TMEM63A: variants seen among roughly 807,000 people sequenced by gnomAD.
The protein encoded by TMEM63A is transmembrane protein 63A, also known as mechanosensitive cation channel TMEM63A.
TMEM63A carries 76 observed loss-of-function variants against 100.6 expected under a neutral mutation model. That is an observed-to-expected ratio of 0.76 (90% confidence interval 0.63 to 0.91). The LOEUF is 0.91. Among genes scored for constraint, TMEM63A ranks in the 40% least tolerant of loss-of-function variants. The pLI, the probability that TMEM63A is intolerant of heterozygous loss-of-function variation, is 0.00. For missense variants in TMEM63A, 876 were observed against 1,008.8 expected, an observed-to-expected ratio of 0.87 and a Z score of 1.78; for synonymous variants, 401 against 401.1, an observed-to-expected ratio of 1.00 and a Z score of 0.00.
At chr1:225,847,488 C>T (rs1198876408) in intron 23 of TMEM63A, 1 of 357,316 alleles carries the variant, frequency 2.8e-6, no homozygotes, top group Non-Finnish European at 5.1e-6. Flanking sequence ...ACTTCCTAGC[C>T]CTGGATCCTA....
chr1:225,842,908 G>A (rs1480646879), downstream of TMEM63A, among the ~76,000 whole-genome samples: 3 of 152,198 alleles, frequency 2.0e-5, no homozygotes, highest in African/African-American at 7.2e-5. Context: ...AGCCTTAGAG[G>A]CTGTATCCTC....
intron 23 of TMEM63A, 179 bp downstream of exon 23, chr1:225,848,313 G>T: frequency 1.6e-6 from 1 of 629,224 alleles, no homozygotes; most frequent in Middle Eastern, 4.3e-4. Context: ...TTTCAAATAT[G>T]CAGGTTAAAA....
chr1:225,862,555 G>C lies in TMEM63A; in HGVS notation c.851C>G (p.Thr284Ser). ...CTTCACCTGCAGGTTTGTGTAATAGGTCAGGCTCTTCTCAGTCTTCTTTCT... is the reference window on the plus strand; with the variant it reads ...CTTCACCTGCAGGTTTGTGTAATAGCTCAGGCTCTTCTCAGTCTTCTTTCT... ...KEKKKTEKSL[T>S]YYTNLQVKTG... is the part of the protein sequence containing the mutation. The change falls in exon 12 of 25, where the codon ACC becomes AGC. Residue 284 changes from threonine to serine, a missense_variant. Physicochemically the swap from Thr to Ser is moderately conservative, Grantham distance 58. Transcript: ENST00000366835. The surrounding 1 kb of genome is among the most constrained non-coding windows in gnomAD (Gnocchi z 5.1). 6.2e-7 allele frequency: 1 copy of C among 1,613,942 alleles called. No individual in the cohort carries two copies. Among genetic ancestry groups the C allele is most frequent in the Non-Finnish European group, 8.5e-7 (1 of 1,179,992 alleles).
chr1:225,858,318 G>GTTT (rs67373815), intron 15 of TMEM63A, among the ~76,000 whole-genome samples: 36 of 70,126 alleles, frequency 5.1e-4, no homozygotes, highest in Non-Finnish European at 1.0e-3. Flanking sequence ...AGAATAGTTT[G>GTTT]TTTTTTTTTT....
At chr1:225,856,789 C>T (rs1205030161) in intron 16 of TMEM63A, 51 bp from the exon 17 acceptor site, 22 of 1,591,936 alleles carry the variant, frequency 1.4e-5, no homozygotes, top group Non-Finnish European at 1.8e-5. Context: ...GCTCTATGTG[C>T]CCCCAGTGAG....
Position 225,847,138 on chromosome 1 carries a change from TCTG to T in TMEM63A, c.2323_2325del (p.Gln775del), listed in dbSNP as rs750876984. 106 of 1,586,836 alleles carry T rather than the reference TCTG, an allele frequency of 6.7e-5. No individual in the cohort carries two copies. Among genetic ancestry groups the T allele is most frequent in the Admixed American group, 1.7e-4 (10 of 58,872 alleles). On this transcript the variant is annotated inframe_deletion, in exon 24 of 25. Transcript: ENST00000366835. ...CTGATGTTGTGGATGGCACCATAGG[TCTG>T]CTGCTGCTGCTGCTGCGGAGACAGT...
At chr1:225,850,832 C>T (rs1169313227) in intron 20 of TMEM63A, among the ~76,000 whole-genome samples, 1 of 152,138 alleles carries the variant, frequency 6.6e-6, no homozygotes, top group African/African-American at 2.4e-5. Context: ...CTGCCTCAGC[C>T]TCTCAAGTAG....
At chr1:225,868,101 A>G in intron 6 of TMEM63A, 71 bp from the exon 7 acceptor site, 2 of 1,579,128 alleles carry the variant, frequency 1.3e-6, no homozygotes, top group East Asian at 2.2e-5. Flanking sequence ...AGTGTCTCAT[A>G]TCATCCTCAC....
chr1:225,852,602 G>T, intron 20 of TMEM63A, 62 bp downstream of exon 20: 1 of 1,534,310 alleles, frequency 6.5e-7, no homozygotes, highest in Non-Finnish European at 9.0e-7. Context: ...TCCCCGAGAG[G>T]TTTGGTGCAA....
rs1048259810 is a variant in TMEM63A, at chr1:225,853,809, C to T, written c.1635-18G>A. 1 of 1,577,656 alleles carries T rather than the reference C, an allele frequency of 6.3e-7. No homozygotes were observed. The highest frequency in any genetic ancestry group is 1.3e-5 in the African/African-American group (1 of 74,150). On this transcript the variant is annotated intron_variant, in intron 18 of 24. Coordinates refer to ENST00000366835, the MANE Select transcript of TMEM63A (RefSeq NM_014698.3). This position sits in a 1 kb window ranked among gnomAD's most constrained non-coding sequence, Gnocchi z 4.0. ...AGACGCACCTGGGGAAACCAGGGCC[C>T]AGGTCTGTGAGCTGAGAGCCGCTCT... is the stretch of plus-strand genomic sequence containing the variant.
At chr1:225,845,456 A>C, downstream of TMEM63A, 1 of 1,175,688 alleles carries the variant, frequency 8.5e-7, no homozygotes, top group Non-Finnish European at 1.2e-6. Flanking sequence ...TCCCCTGCCC[A>C]TGCTGGGAGC....
chr1:225,845,495 T>C, downstream of TMEM63A: 1 of 757,236 alleles, frequency 1.3e-6, no homozygotes, highest in Non-Finnish European at 2.2e-6. Context: ...CCCTCCAAGC[T>C]CACTCCCCAA....
downstream of TMEM63A, chr1:225,845,405 TG>T (rs1176572522): frequency 6.6e-7 from 1 of 1,510,116 alleles, no homozygotes; most frequent in Non-Finnish European, 8.9e-7. Flanking sequence ...AGGCTTTTCT[TG>T]GGGAAGATAC....
intron 3 of TMEM63A, among the ~76,000 whole-genome samples, chr1:225,875,209 G>A (rs552297522): frequency 1.3e-5 from 2 of 152,144 alleles, no homozygotes; most frequent in African/African-American, 4.8e-5. Context: ...ACCTGTGCTC[G>A]GGCTGGCTTG....
At chr1:225,845,426 G>A (rs1576056070), downstream of TMEM63A, 2 of 1,462,920 alleles carry the variant, frequency 1.4e-6, no homozygotes, top group East Asian at 5.0e-5. Flanking sequence ...CCCCTTTTCT[G>A]AGGAATGAGT....
intron 3 of TMEM63A, among the ~76,000 whole-genome samples, chr1:225,875,909 T>C (rs1227114549): frequency 6.6e-6 from 1 of 151,270 alleles, no homozygotes; most frequent in African/African-American, 2.4e-5. Flanking sequence ...CTACCAAAAA[T>C]ACAAAAATAA....
Position 225,862,557 on chromosome 1 carries a change from C to G in TMEM63A, c.849G>C (p.Leu283=). 6.2e-7 allele frequency: 1 copy of G among 1,613,890 alleles called. No individual in the cohort carries two copies. Among genetic ancestry groups the G allele is most frequent in the African/African-American group, 1.3e-5 (1 of 75,036 alleles). The stretch of plus-strand genomic sequence containing the variant: ...TCACCTGCAGGTTTGTGTAATAGGT[C>G]AGGCTCTTCTCAGTCTTCTTTCTGT... The part of the protein sequence containing the change: ...CKEKKKTEKS[L]TYYTNLQVKT... The change falls in exon 12 of 25, where the codon CTG becomes CTC. Residue 283 remains leucine (L), a synonymous_variant. Transcript: ENST00000366835. The surrounding 1 kb of genome is among the most constrained non-coding windows in gnomAD (Gnocchi z 5.1).
intron 15 of TMEM63A, 81 bp from the exon 16 acceptor site, chr1:225,857,098 C>T (rs1669662220): frequency 5.8e-6 from 7 of 1,201,056 alleles, no homozygotes; most frequent in Non-Finnish European, 7.9e-6. Flanking sequence ...TTGGTATGGT[C>T]GCTCAGTGGA....
intron 4 of TMEM63A, 67 bp downstream of exon 4, chr1:225,874,221 C>A (rs1670661981): frequency 6.8e-7 from 1 of 1,471,006 alleles, no homozygotes; most frequent in South Asian, 1.2e-5. Flanking sequence ...CATATACACA[C>A]TCACGCACAT....
Sources: allele counts gnomAD v4.1 joint callset (sites outside exome capture counted in the v4.1 genomes callset), GRCh38; gene constraint gnomAD v4.1.1; non-coding constraint Gnocchi (gnomAD v3.1); transcripts MANE v1.5; gene names NCBI Gene and HGNC (gene_info 2026-07-23, HGNC 2026-07-21).